Variants in SCHIP1 observed in about 807,000 individuals in gnomAD.
SCHIP1 encodes the protein schwannomin interacting protein 1.
Under a neutral mutation model 29.7 loss-of-function variants are expected in SCHIP1, and 8 were observed. The observed-to-expected ratio is 0.27, with a 90% CI of 0.16 to 0.49. The LOEUF is 0.49. SCHIP1 is among the 20% of genes least tolerant of loss of function. The probability of loss-of-function intolerance (pLI) is 0.99; values close to 1 mark genes in which losing one functional copy is unlikely to be tolerated. For synonymous variants in SCHIP1, 76 were observed against 94.9 expected, an observed-to-expected ratio of 0.80 and a Z score of 1.16; for missense variants, 193 against 294.6, an observed-to-expected ratio of 0.66 and a Z score of 2.52.
the SCHIP1 span, among the ~76,000 whole-genome samples, chr3:159,331,439 G>C: frequency 4.6e-5 from 7 of 152,316 alleles, no homozygotes; most frequent in African/African-American, 1.7e-4. Flanking sequence ...TGAGGCCAAA[G>C]GGATATAGGT....
the SCHIP1 span, among the ~76,000 whole-genome samples, chr3:159,528,554 T>C: frequency 6.6e-6 from 1 of 152,216 alleles, no homozygotes; most frequent in East Asian, 1.9e-4. Context: ...TGTCGCTTCC[T>C]GCACCTTCTT....
At chr3:159,696,666 T>A in the SCHIP1 span, among the ~76,000 whole-genome samples, 1 of 152,156 alleles carries the variant, frequency 6.6e-6, no homozygotes, top group Admixed American at 6.5e-5. Flanking sequence ...GAAAGACAAT[T>A]GAGAAGTAAC....
the SCHIP1 span, among the ~76,000 whole-genome samples, chr3:159,588,317 T>C: frequency 6.9e-6 from 1 of 144,992 alleles, no homozygotes; most frequent in Non-Finnish European, 1.5e-5. Flanking sequence ...AATGAGGTTG[T>C]TTTTTTTCTT....
the SCHIP1 span, among the ~76,000 whole-genome samples, chr3:159,489,297 C>T: frequency 9.5e-4 from 145 of 152,292 alleles, no homozygotes; most frequent in Admixed American, 2.1e-3. Context: ...AATTAGACCA[C>T]TAAGCCAGAA....
At chr3:159,454,255 A>T in the SCHIP1 span, among the ~76,000 whole-genome samples, 1 of 151,992 alleles carries the variant, frequency 6.6e-6, no homozygotes, top group South Asian at 2.1e-4. Context: ...TTTCAAAACT[A>T]CTCCTATGAT....
the SCHIP1 span, among the ~76,000 whole-genome samples, chr3:159,314,392 A>T: frequency 1.3e-5 from 2 of 152,174 alleles, no homozygotes; most frequent in Non-Finnish European, 2.9e-5. Context: ...ATTCTAGAAG[A>T]TCAGTCTTAG....
At chr3:159,360,415 G>T in the SCHIP1 span, among the ~76,000 whole-genome samples, 1 of 152,142 alleles carries the variant, frequency 6.6e-6, no homozygotes, top group African/African-American at 2.4e-5. Context: ...GAATTTCCTT[G>T]TGTCTATCCT....
the SCHIP1 span, among the ~76,000 whole-genome samples, chr3:159,571,073 A>G: frequency 6.6e-6 from 1 of 152,328 alleles, no homozygotes; most frequent in East Asian, 1.9e-4. Flanking sequence ...ATATACAATC[A>G]TGTCATCTGC....
chr3:159,579,242 G>C, the SCHIP1 span, among the ~76,000 whole-genome samples: 3 of 152,152 alleles, frequency 2.0e-5, no homozygotes, highest in Non-Finnish European at 4.4e-5. Context: ...CAGAATACTG[G>C]ATTCACTTTC....
intron 2 of SCHIP1, among the ~76,000 whole-genome samples, chr3:159,885,820 C>G (rs1292522400): frequency 6.6e-6 from 1 of 152,240 alleles, no homozygotes; most frequent in African/African-American, 2.4e-5. Context: ...CTTTGATTGT[C>G]CCCCTGGGAC....
At chr3:159,684,604 G>T in the SCHIP1 span, among the ~76,000 whole-genome samples, 2 of 151,930 alleles carry the variant, frequency 1.3e-5, no homozygotes, top group Non-Finnish European at 2.9e-5. Context: ...AGGAGATCGA[G>T]ACCATCCTGG....
At chr3:159,290,469 C>G in the SCHIP1 span, among the ~76,000 whole-genome samples, 1 of 152,102 alleles carries the variant, frequency 6.6e-6, no homozygotes, top group East Asian at 1.9e-4. Context: ...TTGAATATAC[C>G]TGGTTTTAAA....
chr3:159,524,221 T>C, the SCHIP1 span, among the ~76,000 whole-genome samples: 1 of 152,258 alleles, frequency 6.6e-6, no homozygotes, highest in African/African-American at 2.4e-5. Flanking sequence ...GTCCATGCTC[T>C]TGGCAGATAT....
chr3:159,660,235 G>C, the SCHIP1 span, among the ~76,000 whole-genome samples: 1 of 152,086 alleles, frequency 6.6e-6, no homozygotes, highest in African/African-American at 2.4e-5. Context: ...GATGGGAGTC[G>C]GATATGAAAT....
chr3:159,642,820 A>C, the SCHIP1 span, among the ~76,000 whole-genome samples: 23 of 152,240 alleles, frequency 1.5e-4, no homozygotes, highest in Non-Finnish European at 2.6e-4. Flanking sequence ...AGAGACTATG[A>C]GTACAAGGAC....
At chr3:159,639,278 A>T in the SCHIP1 span, among the ~76,000 whole-genome samples, 1 of 152,128 alleles carries the variant, frequency 6.6e-6, no homozygotes, top group African/African-American at 2.4e-5. Context: ...ATTGGATCTT[A>T]AATGTGTTTT....
At chr3:159,705,187 C>A in the SCHIP1 span, among the ~76,000 whole-genome samples, 5 of 152,076 alleles carry the variant, frequency 3.3e-5, no homozygotes, top group African/African-American at 1.2e-4. Context: ...TGGTCTTGAA[C>A]TCCTGACTTC....
chr3:159,375,893 T>A, the SCHIP1 span: 1 of 286,092 alleles, frequency 3.5e-6, no homozygotes, highest in East Asian at 1.7e-4. Flanking sequence ...AGATCTGGTC[T>A]TTATCTAAAA....
At chr3:159,621,228 C>T in the SCHIP1 span, among the ~76,000 whole-genome samples, 10 of 152,158 alleles carry the variant, frequency 6.6e-5, no homozygotes, top group Non-Finnish European at 1.5e-5. Flanking sequence ...GATGAGTGGA[C>T]AGGAATCTGC....
Sources: allele counts gnomAD v4.1 joint callset (sites outside exome capture counted in the v4.1 genomes callset), GRCh38; gene constraint gnomAD v4.1.1; transcripts MANE v1.5; gene names NCBI Gene and HGNC (gene_info 2026-07-23, HGNC 2026-07-21).